SAMD5: variants seen among roughly 807,000 people sequenced by gnomAD.
SAMD5 encodes sterile alpha motif domain containing 5.
Under a neutral mutation model 11.3 loss-of-function variants are expected in SAMD5, and 13 were observed. That is an observed-to-expected ratio of 1.15 (90% confidence interval 0.75 to 1.83). The LOEUF is 1.83. Ranked by LOEUF, SAMD5 falls within the 40% of genes most tolerant of loss-of-function variation. SAMD5 has a pLI of 0.00. For synonymous variants in SAMD5, 129 were observed against 111.3 expected, an observed-to-expected ratio of 1.16 and a Z score of -1.00; for missense variants, 255 against 239.1, an observed-to-expected ratio of 1.07 and a Z score of -0.44.
At chr6:147,509,486 G>A in intron 1 of SAMD5, 99 bp downstream of exon 1, 4 of 1,018,366 alleles carry the variant, frequency 3.9e-6, no homozygotes, top group Non-Finnish European at 5.5e-6. Context: ...AGGTGACGAC[G>A]GAGAGGCCAG....
chr6:147,732,870 T>A (rs1466753594), intron 1 of SAMD5, among the ~76,000 whole-genome samples: 1 of 152,106 alleles, frequency 6.6e-6, no homozygotes. Context: ...AGAGAAAAAA[T>A]TTAAGGCACA....
At chr6:147,579,354 T>A (rs1170888885) in intron 1 of SAMD5, among the ~76,000 whole-genome samples, 2 of 152,152 alleles carry the variant, frequency 1.3e-5, no homozygotes, top group Non-Finnish European at 2.9e-5. Context: ...TGCAAGGTGT[T>A]TTGTGGAAGA....
the SAMD5 span, among the ~76,000 whole-genome samples, chr6:147,823,622 A>C: frequency 1.3e-5 from 2 of 152,184 alleles, no homozygotes; most frequent in Non-Finnish European, 2.9e-5. Flanking sequence ...AACTTAAAGT[A>C]AAATAAAATA....
intron 1 of SAMD5, among the ~76,000 whole-genome samples, chr6:147,710,471 T>A (rs1187697975): frequency 6.6e-6 from 1 of 152,178 alleles, no homozygotes; most frequent in African/African-American, 2.4e-5. Context: ...ACCCAAGATG[T>A]GAATCGTGCC....
chr6:147,799,120 G>C, the SAMD5 span, among the ~76,000 whole-genome samples: 1 of 151,390 alleles, frequency 6.6e-6, no homozygotes, highest in African/African-American at 2.4e-5. Flanking sequence ...TATGATGTTA[G>C]CTGGTGATTT....
At chr6:147,684,162 C>G (rs1688923879) in intron 1 of SAMD5, among the ~76,000 whole-genome samples, 1 of 152,036 alleles carries the variant, frequency 6.6e-6, no homozygotes, top group South Asian at 2.1e-4. Flanking sequence ...ATGATTAGTT[C>G]TTCCTATGAT....
the SAMD5 span, among the ~76,000 whole-genome samples, chr6:147,832,068 AAAGG>A: frequency 6.6e-6 from 1 of 152,166 alleles, no homozygotes; most frequent in Non-Finnish European, 1.5e-5. Flanking sequence ...TATGGAAGAG[AAAGG>A]AAGGAAGAGA....
chr6:147,569,388 A>G lies in SAMD5; in HGVS notation c.*4932A>G. 3.1e-6 allele frequency: 3 copies of G among 954,168 alleles called. No individual in the cohort carries two copies. The highest frequency in any genetic ancestry group is 3.7e-6 in the Non-Finnish European group (3 of 801,510). 59.1% of individuals were successfully genotyped at this position (954,168 alleles called of 1,614,324 possible). A position where few individuals can be genotyped will look rare whatever the true frequency, so the allele number is the denominator to read the frequency against. On this transcript the variant is annotated 3_prime_UTR_variant, in exon 2 of 2. Coordinates refer to ENST00000367474, the MANE Select transcript of SAMD5 (RefSeq NM_001030060.3). ...AGAGGAAAACAAGAGGCTAAATTCC[A>G]TGTTAAGAGCTAAGTAGTATTTTTT...
At chr6:147,521,674 T>C (rs1000693340) in intron 1 of SAMD5, among the ~76,000 whole-genome samples, 1 of 152,090 alleles carries the variant, frequency 6.6e-6, no homozygotes, top group African/African-American at 2.4e-5. Context: ...GGGCCTCATA[T>C]AATGCCTGCC....
chr6:147,619,117 G>C (rs1326618897), intron 1 of SAMD5, among the ~76,000 whole-genome samples: 3 of 152,198 alleles, frequency 2.0e-5, no homozygotes, highest in Non-Finnish European at 2.9e-5. Context: ...AAAGCTGGCT[G>C]TCTTGCTCAT....
chr6:147,743,788 C>T, the SAMD5 span, among the ~76,000 whole-genome samples: 49 of 152,258 alleles, frequency 3.2e-4, no homozygotes, highest in African/African-American at 1.1e-3. Context: ...TCAAAGTCCC[C>T]ACTTAGTAAA....
At chr6:147,596,379 G>C (rs1489122440) in intron 1 of SAMD5, among the ~76,000 whole-genome samples, 1 of 152,082 alleles carries the variant, frequency 6.6e-6, no homozygotes, top group Admixed American at 6.6e-5. Context: ...TTTAAACATT[G>C]ATTTAAAAGT....
intron 1 of SAMD5, among the ~76,000 whole-genome samples, chr6:147,590,353 T>C (rs1583097603): frequency 6.6e-6 from 1 of 152,192 alleles, no homozygotes; most frequent in Non-Finnish European, 1.5e-5. Context: ...GTTTTTCTCA[T>C]TTAAAAATCC....
At chr6:147,634,277 G>C (rs990374618) in intron 1 of SAMD5, among the ~76,000 whole-genome samples, 1 of 152,198 alleles carries the variant, frequency 6.6e-6, no homozygotes, top group Non-Finnish European at 1.5e-5. Context: ...AGTCATGGCA[G>C]AAGGTGAAGA....
chr6:147,768,538 A>C, the SAMD5 span, among the ~76,000 whole-genome samples: 1 of 152,100 alleles, frequency 6.6e-6, no homozygotes, highest in Non-Finnish European at 1.5e-5. Context: ...AAACAGAAAA[A>C]AACAAAACAA....
chr6:147,580,656 T>C (rs1401304598), intron 1 of SAMD5, among the ~76,000 whole-genome samples: 2 of 152,206 alleles, frequency 1.3e-5, no homozygotes, highest in Admixed American at 6.5e-5. Context: ...AATTAAATAG[T>C]CATGTATGGC....
downstream of SAMD5, among the ~76,000 whole-genome samples, chr6:147,741,253 G>C (rs370029436): frequency 6.6e-6 from 1 of 152,034 alleles, no homozygotes; most frequent in Non-Finnish European, 1.5e-5. Context: ...CTTTGCTGGG[G>C]GTCTCCAGAC....
intron 1 of SAMD5, among the ~76,000 whole-genome samples, chr6:147,513,897 C>T (rs992326789): frequency 6.6e-6 from 1 of 152,100 alleles, no homozygotes; most frequent in Admixed American, 6.5e-5. Flanking sequence ...CGTCGAGGAC[C>T]TTTGCCACAG....
rs1791400105 is a variant in SAMD5 at position 147,711,515 on chromosome 6, C to G, written c.163-25802C>G. 6.6e-6 allele frequency among the ~76,000 whole-genome samples: 1 copy of G among 152,194 alleles called. No homozygotes were observed. The highest frequency in any genetic ancestry group is 2.4e-5 in the African/African-American group (1 of 41,428). On this transcript the variant is annotated intron_variant, in intron 1 of 1. Coordinates refer to the SAMD5 transcript ENST00000566741. The surrounding 1 kb of genome is among the most constrained non-coding windows in gnomAD (Gnocchi z 4.1). ...GAAATAGAAAGAAGCTCAAAACAAA[C>G]CCACTGGCCTATTTTTGTTAATCAC...
Sources: allele counts gnomAD v4.1 joint callset (sites outside exome capture counted in the v4.1 genomes callset), GRCh38; gene constraint gnomAD v4.1.1; non-coding constraint Gnocchi (gnomAD v3.1); transcripts MANE v1.5; gene names NCBI Gene and HGNC (gene_info 2026-07-23, HGNC 2026-07-21).